Variants in RERG observed in about 807,000 individuals in gnomAD.
RERG encodes RAS like estrogen regulated growth inhibitor.
RERG carries 25 observed loss-of-function variants against 23.2 expected under a neutral mutation model. The ratio of observed to expected loss-of-function variants is 1.08; its 90% confidence interval spans 0.79 to 1.50. RERG has a LOEUF of 1.50. Ranked by LOEUF, RERG falls within the 40% of genes most tolerant of loss-of-function variation. The pLI, the probability that RERG is intolerant of heterozygous loss-of-function variation, is 0.00. For synonymous variants in RERG, 81 were observed against 89.1 expected (o/e 0.91, Z 0.51); for missense variants, 253 against 250.1 (o/e 1.01, Z -0.08).
chr12:15,122,756 A>T (rs1044713336), intron 2 of RERG, among the ~76,000 whole-genome samples: 2 of 152,038 alleles, frequency 1.3e-5, no homozygotes, highest in African/African-American at 4.8e-5. Flanking sequence ...GCACGATTTA[A>T]AGAGTTCCAT....
intron 2 of RERG, among the ~76,000 whole-genome samples, chr12:15,167,469 G>A (rs1161454774): frequency 2.0e-5 from 3 of 152,118 alleles, no homozygotes; most frequent in Non-Finnish European, 4.4e-5. Context: ...TGATTCAGTC[G>A]GTCTAGGGTG....
At chr12:15,214,003 TG>T (rs1865405843) in intron 2 of RERG, among the ~76,000 whole-genome samples, 3 of 88,190 alleles carry the variant, frequency 3.4e-5, no homozygotes, top group Non-Finnish European at 4.9e-5. Flanking sequence ...AGTATGTGTG[TG>T]TGTGTGTGTG....
intron 2 of RERG, among the ~76,000 whole-genome samples, chr12:15,167,135 G>T (rs185352702): frequency 2.1e-4 from 32 of 152,244 alleles, no homozygotes; most frequent in Admixed American, 1.9e-3. Flanking sequence ...ATTACTGAGG[G>T]TTAATCTGAC....
At chr12:15,153,742 T>C (rs1272317922) in intron 2 of RERG, among the ~76,000 whole-genome samples, 1 of 152,164 alleles carries the variant, frequency 6.6e-6, no homozygotes, top group East Asian at 1.9e-4. Flanking sequence ...TCCTCTCTGG[T>C]GATTTTTCAA....
chr12:15,211,978 A>G (rs897999236), intron 2 of RERG, among the ~76,000 whole-genome samples: 2 of 149,000 alleles, frequency 1.3e-5, no homozygotes, highest in Non-Finnish European at 3.0e-5. Context: ...AGCCGAGGCT[A>G]CTTCTTATAT....
chr12:15,161,391 C>T (rs977350443), intron 2 of RERG, among the ~76,000 whole-genome samples: 1 of 152,138 alleles, frequency 6.6e-6, no homozygotes, highest in Non-Finnish European at 1.5e-5. Flanking sequence ...TAGGTCCTCT[C>T]CAGTCTCAGG....
rs1488006680 is a variant in RERG, at chr12:15,177,835, G to GTTTTTTTTTTTTTTTTTTTTTTTTTTTTT, written c.61+39593_61+39594insAAAAAAAAAAAAAAAAAAAAAAAAAAAAA. ...AATTGATATCTCTCTGGCTCCCTCT[G>GTTTTTTTTTTTTTTTTTTTTTTTTTTTTT]TTTGTTTTTTTTTTTTTTTTTTTTA... On this transcript the variant is annotated intron_variant, in intron 2 of 4. Transcript: ENST00000256953. 2.0e-5 allele frequency among the ~76,000 whole-genome samples: 2 copies of GTTTTTTTTTTTTTTTTTTTTTTTTTTTTT among 99,324 alleles called. 1 individual carries two copies. The highest frequency in any genetic ancestry group is 7.5e-5 in the African/African-American group (2 of 26,586). 65.2% of individuals were successfully genotyped at this position (99,324 alleles called of 152,430 possible). A position where few individuals can be genotyped will look rare whatever the true frequency, so the allele number is the denominator to read the frequency against.
intron 2 of RERG, among the ~76,000 whole-genome samples, chr12:15,161,768 C>T (rs993987924): frequency 2.0e-5 from 3 of 151,828 alleles, no homozygotes; most frequent in Non-Finnish European, 2.9e-5. Context: ...CTACCAATAA[C>T]AATAATAATA....
intron 2 of RERG, among the ~76,000 whole-genome samples, chr12:15,123,223 T>C (rs1172293942): frequency 6.6e-6 from 1 of 152,174 alleles, no homozygotes; most frequent in African/African-American, 2.4e-5. Flanking sequence ...ACCATTTAAA[T>C]TTGAATCATT....
chr12:15,192,963 G>A (rs1014988257), intron 2 of RERG, among the ~76,000 whole-genome samples: 7 of 152,056 alleles, frequency 4.6e-5, no homozygotes, highest in African/African-American at 1.7e-4. Context: ...CTAACCTTTA[G>A]TATTGCTTAA....
At chr12:15,218,284 C>T (rs907467132) in intron 1 of RERG, among the ~76,000 whole-genome samples, 16 of 152,116 alleles carry the variant, frequency 1.1e-4, no homozygotes, top group African/African-American at 3.6e-4. Context: ...GTTTATAGTG[C>T]TGTCTTAAAG....
At chr12:15,182,421 T>C (rs1864937646) in intron 2 of RERG, among the ~76,000 whole-genome samples, 1 of 152,100 alleles carries the variant, frequency 6.6e-6, no homozygotes, top group Non-Finnish European at 1.5e-5. Flanking sequence ...CCTCACCAAA[T>C]ACCTCCTCCC....
At chr12:15,137,169 A>G (rs1279886317) in intron 2 of RERG, among the ~76,000 whole-genome samples, 4 of 151,726 alleles carry the variant, frequency 2.6e-5, no homozygotes, top group Non-Finnish European at 5.9e-5. Flanking sequence ...TGTTCCTTTT[A>G]ATCCATTATA....
intron 2 of RERG, among the ~76,000 whole-genome samples, chr12:15,188,193 T>C (rs923876973): frequency 3.3e-5 from 5 of 152,162 alleles, no homozygotes; most frequent in Non-Finnish European, 5.9e-5. Context: ...CCAATGTTCA[T>C]GTATTTCCAG....
Position 15,151,091 on chromosome 12 carries a change from G to A in RERG, c.62-29972C>T, listed in dbSNP as rs375578371. Among the ~76,000 whole-genome samples the A allele has an allele frequency of 1.5e-3, 228 of 152,286 alleles. 6 individuals are homozygous for A. In the South Asian group the frequency reaches 0.045, roughly 30 times the overall value. ...TGTTTCTAAAATCTACCCCAGGGGA[G>A]CATTCTACCTCCGTAGGCTACATCC... is the stretch of plus-strand genomic sequence containing the variant. On this transcript the variant is annotated intron_variant, in intron 2 of 4. Transcript: ENST00000256953.
chr12:15,218,907 T>C (rs1037187798), intron 1 of RERG, among the ~76,000 whole-genome samples: 2 of 152,084 alleles, frequency 1.3e-5, no homozygotes, highest in Admixed American at 6.5e-5. Flanking sequence ...GCATTCCACT[T>C]TGAGATATGA....
intron 2 of RERG, among the ~76,000 whole-genome samples, chr12:15,142,501 A>G (rs1864254118): frequency 1.3e-5 from 2 of 152,204 alleles, no homozygotes; most frequent in Non-Finnish European, 2.9e-5. Context: ...AAAGCTCATC[A>G]AAGATTGTTT....
intron 2 of RERG, among the ~76,000 whole-genome samples, chr12:15,190,227 C>T (rs567059124): frequency 7.6e-4 from 115 of 152,258 alleles, no homozygotes; most frequent in African/African-American, 2.6e-3. Flanking sequence ...GGTGTCCAAT[C>T]TTTTGGCTTC....
intron 2 of RERG, chr12:15,152,171 G>A (rs946523916): frequency 2.0e-5 from 3 of 152,208 alleles, no homozygotes; most frequent in Admixed American, 6.5e-5. Context: ...AGGCACAGAA[G>A]GTTGTACAAA....
Sources: gnomAD v4.1 joint callset for allele counts (sites outside exome capture counted in the v4.1 genomes callset) on GRCh38, gnomAD v4.1.1 for gene constraint, MANE v1.5 for transcripts, NCBI Gene and HGNC (gene_info 2026-07-23, HGNC 2026-07-21) for gene names.